The following PCCA variants were observed in gnomAD, a reference collection of about 807,000 sequenced individuals.
The protein encoded by PCCA is propionyl-CoA carboxylase subunit alpha, also known as propionyl-CoA carboxylase alpha chain, mitochondrial.
Under a neutral mutation model 101.3 loss-of-function variants are expected in PCCA, and 74 were observed. The observed-to-expected ratio is 0.73, with a 90% CI of 0.61 to 0.89. The LOEUF (loss-of-function observed/expected upper bound fraction) is 0.89, where lower values mean the gene tolerates loss of function less well. Ranked by LOEUF, PCCA falls within the 40% of genes least tolerant of loss-of-function variation. The pLI is 0.00. For synonymous variants in PCCA, 294 were observed against 313.6 expected, an observed-to-expected ratio of 0.94 and a Z score of 0.66; for missense variants, 891 against 907.0, an observed-to-expected ratio of 0.98 and a Z score of 0.23.
chr13:100,185,574 TG>T (rs1228181207), intron 6 of PCCA, among the ~76,000 whole-genome samples: 1 of 152,134 alleles, frequency 6.6e-6, no homozygotes, highest in Non-Finnish European at 1.5e-5. Flanking sequence ...CTTGAACTCC[TG>T]GGCTCAAGTA....
intron 21 of PCCA, among the ~76,000 whole-genome samples, chr13:100,513,557 G>T (rs2152996888): frequency 6.6e-6 from 1 of 152,318 alleles, no homozygotes; most frequent in Admixed American, 6.5e-5. Context: ...TAATTTCTGG[G>T]GAGAAATGAA....
intron 4 of PCCA, among the ~76,000 whole-genome samples, chr13:100,144,711 TTCCTG>T (rs1475809699): frequency 1.3e-5 from 2 of 152,218 alleles, no homozygotes; most frequent in Non-Finnish European, 2.9e-5. Flanking sequence ...AGACTTCATC[TTCCTG>T]TCCCAAATTC....
Position 100,099,331 on chromosome 13 carries a change from T to C in PCCA, c.106-3552T>C, listed in dbSNP as rs2047059265. ...CTATCTAATCTTTTTTTTTTTTTTT[T>C]TTTTGAGATGGAGTCTTGCTCTGTC... On this transcript the variant is annotated intron_variant, in intron 1 of 23. Coordinates refer to ENST00000376285, the MANE Select transcript of PCCA (RefSeq NM_000282.4). Among the ~76,000 whole-genome samples, 3 of 150,020 alleles carry C rather than the reference T, an allele frequency of 2.0e-5. No individual in the cohort carries two copies. In the South Asian group the frequency reaches 6.5e-4, roughly 32 times the overall value.
intron 1 of PCCA, among the ~76,000 whole-genome samples, chr13:100,091,532 TTC>T (rs1253551471): frequency 6.6e-6 from 1 of 152,202 alleles, no homozygotes; most frequent in African/African-American, 2.4e-5. Flanking sequence ...GCTGCTTAGC[TTC>T]TCTCTGCGCT....
chr13:100,331,846 A>G (rs2069625780), intron 17 of PCCA, among the ~76,000 whole-genome samples: 1 of 151,566 alleles, frequency 6.6e-6, no homozygotes, highest in South Asian at 2.1e-4. Context: ...TATCCCTAGC[A>G]CAAAACATAG....
At position 100,089,616 on chromosome 13, in the gene PCCA, G is replaced by C. The variant is rs578068958; in HGVS notation, c.105+391G>C. Among the ~76,000 whole-genome samples the C allele has an allele frequency of 4.6e-5, 7 of 152,320 alleles. 1 individual carries two copies. In the South Asian group the frequency reaches 8.3e-4, roughly 18 times the overall value. ...GGTGTCCTTATAGTTTCCGTGTTCT[G>C]TTGCCTCTTTCCAGCATTTTTGAAG... On this transcript the variant is annotated intron_variant, in intron 1 of 23. Coordinates refer to ENST00000376285, the MANE Select transcript of PCCA (RefSeq NM_000282.4).
chr13:100,210,831 A>G lies in PCCA; in HGVS notation c.600+1368A>G, dbSNP rs115657397. 7.3e-3 allele frequency among the ~76,000 whole-genome samples: 1,112 copies of G among 152,204 alleles called. 12 individuals are homozygous for G. Among genetic ancestry groups the G allele is most frequent in the African/African-American group, 0.025 (1,041 of 41,522 alleles). ...TTCATGCATTAGAGGACGATTAGAA[A>G]ACTTGCCCCCTAGTTAATAAATATC... is the stretch of plus-strand genomic sequence containing the variant. On this transcript the variant is annotated intron_variant, in intron 7 of 23. Transcript: ENST00000376285.
chr13:100,244,205 CT>C lies in PCCA; in HGVS notation c.637+8328del, dbSNP rs1594897832. Among the ~76,000 whole-genome samples, 3 of 152,272 alleles carry C rather than the reference CT, an allele frequency of 2.0e-5. No homozygotes were observed. In the East Asian group the frequency reaches 5.8e-4, roughly 29 times the overall value. On this transcript the variant is annotated intron_variant, in intron 8 of 23. Coordinates refer to ENST00000376285, the MANE Select transcript of PCCA (RefSeq NM_000282.4). ...TTAAAGAAAATGGCATTAAAATAAT[CT>C]ATGTGAAATCCATTAAATAATGAGA...
At chr13:100,456,319 C>G (rs1296705400) in intron 21 of PCCA, among the ~76,000 whole-genome samples, 1 of 152,116 alleles carries the variant, frequency 6.6e-6, no homozygotes, top group Admixed American at 6.6e-5. Context: ...TGTCATTTGG[C>G]TTTTCAATAA....
chr13:100,469,701 A>G (rs1212652195), intron 21 of PCCA, among the ~76,000 whole-genome samples: 1 of 151,670 alleles, frequency 6.6e-6, no homozygotes, highest in Non-Finnish European at 1.5e-5. Context: ...AATCGCTTGA[A>G]ACCCGGAGGC....
intron 17 of PCCA, among the ~76,000 whole-genome samples, chr13:100,338,406 C>T (rs1226526117): frequency 1.3e-5 from 2 of 152,076 alleles, no homozygotes; most frequent in Non-Finnish European, 2.9e-5. Flanking sequence ...CTGGGAACCT[C>T]TGCAGTATAC....
intron 20 of PCCA, among the ~76,000 whole-genome samples, chr13:100,437,510 A>G (rs1435023679): frequency 6.6e-6 from 1 of 151,148 alleles, no homozygotes; most frequent in Non-Finnish European, 1.5e-5. Flanking sequence ...GGAAAATGAA[A>G]TAACTATTTT....
chr13:100,395,659 A>T (rs2077009729), intron 19 of PCCA, among the ~76,000 whole-genome samples: 1 of 152,204 alleles, frequency 6.6e-6, no homozygotes, highest in African/African-American at 2.4e-5. Flanking sequence ...AAAATTATGG[A>T]TGTGATTTAA....
intron 15 of PCCA, among the ~76,000 whole-genome samples, chr13:100,308,490 A>G (rs1206512546): frequency 1.3e-5 from 2 of 151,648 alleles, no homozygotes; most frequent in Non-Finnish European, 2.9e-5. Context: ...ATGCAGGGCT[A>G]TTTTTTTATA....
intron 19 of PCCA, among the ~76,000 whole-genome samples, chr13:100,377,994 A>G (rs752670420): frequency 1.3e-5 from 2 of 151,552 alleles, no homozygotes; most frequent in Non-Finnish European, 2.9e-5. Context: ...TCTGTTCCTC[A>G]TTTGTGTGTT....
chr13:100,261,799 G>T (rs1158053330), intron 9 of PCCA, among the ~76,000 whole-genome samples: 1 of 151,988 alleles, frequency 6.6e-6, no homozygotes, highest in Non-Finnish European at 1.5e-5. Context: ...CAATTTTATA[G>T]AAGATAAAAT....
intron 12 of PCCA, among the ~76,000 whole-genome samples, chr13:100,290,157 G>A (rs1231898965): frequency 6.6e-6 from 1 of 152,010 alleles, no homozygotes; most frequent in African/African-American, 2.4e-5. Flanking sequence ...CTTTCCCATT[G>A]TAGATAATGT....
chr13:100,316,616 A>G (rs189737408), intron 16 of PCCA, among the ~76,000 whole-genome samples: 66 of 152,246 alleles, frequency 4.3e-4, no homozygotes, highest in African/African-American at 1.5e-3. Context: ...GTCATTAACT[A>G]TTTCTGAAAA....
chr13:100,477,580 G>C (rs1161179271), intron 21 of PCCA: 1 of 152,254 alleles, frequency 6.6e-6, no homozygotes, highest in Non-Finnish European at 1.5e-5. Context: ...ATGATGGGAA[G>C]AGAGTTGTTA....
Sources: gnomAD v4.1 joint callset for allele counts (sites outside exome capture counted in the v4.1 genomes callset) on GRCh38, gnomAD v4.1.1 for gene constraint, MANE v1.5 for transcripts, NCBI Gene and HGNC (gene_info 2026-07-23, HGNC 2026-07-21) for gene names.